Variants in KIAA0825 observed in about 807,000 individuals in gnomAD.
KIAA0825 encodes the protein KIAA0825.
KIAA0825 carries 119 observed loss-of-function variants against 147.6 expected under a neutral mutation model. The observed-to-expected ratio is 0.81, with a 90% CI of 0.69 to 0.94. The LOEUF (loss-of-function observed/expected upper bound fraction) is 0.94. Among genes scored for constraint, KIAA0825 ranks in the 40% least tolerant of loss-of-function variants. KIAA0825 has a pLI of 0.00. For synonymous variants in KIAA0825, 470 were observed against 518.1 expected (o/e 0.91, Z 1.26); for missense variants, 1,381 against 1,472.7 (o/e 0.94, Z 1.02).
intron 3 of KIAA0825, among the ~76,000 whole-genome samples, chr5:94,528,466 C>G (rs79270635): frequency 0.02 from 3,073 of 152,256 alleles, 91 homozygotes; most frequent in African/African-American, 0.07. Flanking sequence ...AGGCCTGTAT[C>G]AACCTAAGAA....
intron 14 of KIAA0825, among the ~76,000 whole-genome samples, chr5:94,434,854 C>T (rs1174470736): frequency 6.6e-6 from 1 of 152,158 alleles, no homozygotes; most frequent in Non-Finnish European, 1.5e-5. Flanking sequence ...GCCCTATCGA[C>T]TCTTAAAAGG....
intron 2 of KIAA0825, among the ~76,000 whole-genome samples, chr5:94,549,966 T>C (rs1775204246): frequency 6.6e-6 from 1 of 151,650 alleles, no homozygotes; most frequent in Admixed American, 6.6e-5. Context: ...AAAAGATCAA[T>C]GAAACAAAAA....
rs1482766873 is a variant in KIAA0825, at chr5:94,285,138, C to T, written c.3710+99230G>A. On this transcript the variant is annotated intron_variant, in intron 20 of 20. Transcript: ENST00000682413. ...TGTATGTGTAATTTACATTACTTTA[C>T]AGGTCAGCTGGAGTACTGAATTAAC... Among the ~76,000 whole-genome samples, 5 of 152,046 alleles carry T rather than the reference C, an allele frequency of 3.3e-5. No homozygotes were observed. The East Asian group carries it at 7.7e-4, about 23-fold the overall frequency.
At chr5:94,428,657 T>C (rs1242641113) in intron 14 of KIAA0825, among the ~76,000 whole-genome samples, 2 of 152,198 alleles carry the variant, frequency 1.3e-5, no homozygotes, top group Non-Finnish European at 2.9e-5. Flanking sequence ...GATCTGGCCA[T>C]TTTTTCTAGC....
intron 20 of KIAA0825, among the ~76,000 whole-genome samples, chr5:94,264,955 G>T (rs1261896326): frequency 2.0e-5 from 3 of 151,666 alleles, no homozygotes; most frequent in Admixed American, 6.6e-5. Context: ...GCTAATTTTT[G>T]CATTTTTAGT....
chr5:94,471,663 A>G lies in KIAA0825; in HGVS notation c.1524T>C (p.Ser508=). The change falls in exon 9 of 21, where the codon TCT becomes TCC. Residue 508 remains serine, a synonymous_variant. Transcript: ENST00000682413. ...LPLALACRDD[S]FQEIRANLVE... is the part of the protein sequence containing the mutation. ...CCAAGTTTGCTCTAATTTCCTGAAA[A>G]GAATCATCTCTGCATGCCAGAGCCA... is the stretch of plus-strand genomic sequence containing the variant. The G allele has an allele frequency of 6.4e-7, 1 of 1,552,278 alleles. No individual in the cohort carries two copies. Among genetic ancestry groups the G allele is most frequent in the South Asian group, 1.2e-5 (1 of 84,056 alleles).
At chr5:94,569,694 C>T in intron 2 of KIAA0825, 2 of 329,750 alleles carry the variant, frequency 6.1e-6, no homozygotes, top group Middle Eastern at 9.0e-4. Context: ...CTATTCCTAG[C>T]CATACACTAA....
chr5:94,278,025 C>T (rs1242107981), intron 20 of KIAA0825, among the ~76,000 whole-genome samples: 2 of 152,102 alleles, frequency 1.3e-5, no homozygotes, highest in Non-Finnish European at 2.9e-5. Flanking sequence ...GAAAACCAAA[C>T]ACCACATGTT....
At position 94,333,353 on chromosome 5, in the gene KIAA0825, G is replaced by A. The variant is rs938720927; in HGVS notation, c.3710+51015C>T. 1.4e-4 allele frequency among the ~76,000 whole-genome samples: 22 copies of A among 152,210 alleles called. No homozygotes were observed. The Middle Eastern group carries it at 0.01, about 71-fold the overall frequency. ...TAGGTTTTCTTCTAGGGTTTTTCTC[G>A]TTTTAGGTCTTGTGTTTAAACCTTT... On this transcript the variant is annotated intron_variant, in intron 20 of 20. Coordinates refer to ENST00000682413, the MANE Select transcript of KIAA0825 (RefSeq NM_001145678.3).
chr5:94,611,978 C>T (rs1200665345), intron 1 of KIAA0825: 1 of 152,084 alleles, frequency 6.6e-6, no homozygotes, highest in Non-Finnish European at 1.5e-5. Flanking sequence ...AAGATTTACA[C>T]TATATTTATA....
At chr5:94,519,315 A>G (rs905700886) in intron 5 of KIAA0825, 57 of 905,820 alleles carry the variant, frequency 6.3e-5, no homozygotes, top group Non-Finnish European at 7.1e-5. Flanking sequence ...ATAATTCACC[A>G]AATAATAATT....
chr5:94,542,078 T>C (rs1348316216), intron 2 of KIAA0825, among the ~76,000 whole-genome samples: 1 of 152,214 alleles, frequency 6.6e-6, no homozygotes, highest in Non-Finnish European at 1.5e-5. Context: ...ATTGTTGTCT[T>C]GTTTTGGTCC....
At chr5:94,575,230 T>C (rs1454307141) in intron 2 of KIAA0825, among the ~76,000 whole-genome samples, 1 of 152,104 alleles carries the variant, frequency 6.6e-6, no homozygotes, top group African/African-American at 2.4e-5. Flanking sequence ...TAGTGTTTTA[T>C]AAATATTTAT....
intron 20 of KIAA0825, among the ~76,000 whole-genome samples, chr5:94,358,952 T>C (rs1196094493): frequency 6.6e-6 from 1 of 152,242 alleles, no homozygotes; most frequent in African/African-American, 2.4e-5. Context: ...TCCATGCCTA[T>C]ACTAAGAATC....
intron 5 of KIAA0825, among the ~76,000 whole-genome samples, chr5:94,515,793 A>AAAAAAAAAAAAAT (rs1767142148): frequency 6.8e-6 from 1 of 147,746 alleles, no homozygotes; most frequent in African/African-American, 2.5e-5. Flanking sequence ...CTCTGTCTCA[A>AAAAAAAAAAAAAT]AAAAAAAAAA....
chr5:94,323,485 G>T (rs1277814735), intron 20 of KIAA0825, among the ~76,000 whole-genome samples: 1 of 150,362 alleles, frequency 6.7e-6, no homozygotes, highest in Non-Finnish European at 1.5e-5. Context: ...ATTCAAGAGA[G>T]CAACGGACAT....
At chr5:94,441,145 C>T (rs1338205063) in intron 13 of KIAA0825, among the ~76,000 whole-genome samples, 3 of 151,846 alleles carry the variant, frequency 2.0e-5, no homozygotes, top group Non-Finnish European at 4.4e-5. Context: ...TGTGGTAAGC[C>T]ATCCAGTGAT....
At chr5:94,158,395 C>T (rs143929994) in intron 20 of KIAA0825, among the ~76,000 whole-genome samples, 3 of 152,128 alleles carry the variant, frequency 2.0e-5, no homozygotes, top group East Asian at 1.9e-4. Flanking sequence ...ACACTGCCTC[C>T]GTATGGGGAA....
chr5:94,454,531 C>T (rs2150919105), intron 12 of KIAA0825, among the ~76,000 whole-genome samples: 1 of 152,168 alleles, frequency 6.6e-6, no homozygotes, highest in East Asian at 1.9e-4. Context: ...ACAGAAATTC[C>T]TTAAATAGGC....
Sources: gnomAD v4.1 joint callset for allele counts (sites outside exome capture counted in the v4.1 genomes callset) on GRCh38, gnomAD v4.1.1 for gene constraint, MANE v1.5 for transcripts, NCBI Gene and HGNC (gene_info 2026-07-23, HGNC 2026-07-21) for gene names.